Variants in PDGFRL observed in about 807,000 individuals in gnomAD.
PDGFRL encodes platelet-derived growth factor receptor-like protein.
Under a neutral mutation model 37.2 loss-of-function variants are expected in PDGFRL, and 46 were observed. The ratio of observed to expected loss-of-function variants is 1.24; its 90% CI spans 0.98 to 1.58. PDGFRL has a LOEUF of 1.58. PDGFRL is among the 40% of genes most tolerant of loss of function. The pLI, the probability that PDGFRL is intolerant of heterozygous loss-of-function variation, is 0.00. For synonymous variants in PDGFRL, 251 were observed against 184.3 expected, an observed-to-expected ratio of 1.36 and a Z score of -2.93; for missense variants, 692 against 467.6, an observed-to-expected ratio of 1.48 and a Z score of -4.43.
At chr8:17,593,988 T>C (rs79167433) in intron 2 of PDGFRL, among the ~76,000 whole-genome samples, 1 of 152,200 alleles carries the variant, frequency 6.6e-6, no homozygotes, top group Non-Finnish European at 1.5e-5. Flanking sequence ...ACCGTTTTCA[T>C]CTTGCATGGC....
chr8:17,637,309 C>T (rs780915137), intron 5 of PDGFRL, among the ~76,000 whole-genome samples: 1 of 152,102 alleles, frequency 6.6e-6, no homozygotes, highest in African/African-American at 2.4e-5. Flanking sequence ...TGGATTTTGT[C>T]AAATGTTTTT....
At chr8:17,632,789 C>T (rs1399109789) in intron 4 of PDGFRL, among the ~76,000 whole-genome samples, 1 of 152,186 alleles carries the variant, frequency 6.6e-6, no homozygotes, top group East Asian at 1.9e-4. Flanking sequence ...CCCCAGCCCT[C>T]CTCCACTCCG....
At chr8:17,638,665 G>A (rs1429112094) in intron 5 of PDGFRL, among the ~76,000 whole-genome samples, 1 of 146,756 alleles carries the variant, frequency 6.8e-6, no homozygotes, top group Non-Finnish European at 1.5e-5. Flanking sequence ...CACTATTACT[G>A]TGTTGCAGTC....
At chr8:17,613,724 C>T (rs1280895064) in intron 2 of PDGFRL, among the ~76,000 whole-genome samples, 1 of 152,038 alleles carries the variant, frequency 6.6e-6, no homozygotes, top group Admixed American at 6.6e-5. Flanking sequence ...CAGAAAAATG[C>T]TAAAATTAGC....
intron 2 of PDGFRL, among the ~76,000 whole-genome samples, chr8:17,607,400 G>A (rs1181455021): frequency 1.3e-5 from 2 of 152,050 alleles, no homozygotes; most frequent in African/African-American, 4.8e-5. Flanking sequence ...CACCAAATAT[G>A]TATTTAAAAA....
chr8:17,593,378 A>T (rs1434674832), intron 2 of PDGFRL, among the ~76,000 whole-genome samples: 1 of 148,634 alleles, frequency 6.7e-6, no homozygotes, highest in African/African-American at 2.5e-5. Flanking sequence ...GATCACTTGA[A>T]CCCAGGAGTT....
chr8:17,606,263 C>T (rs549238732), intron 2 of PDGFRL, among the ~76,000 whole-genome samples: 4 of 151,982 alleles, frequency 2.6e-5, no homozygotes, highest in Non-Finnish European at 5.9e-5. Flanking sequence ...GGAGATAGTT[C>T]AGTACACTTA....
In PDGFRL at chr8:17,602,030, A is replaced by C. The variant is rs191416329; in HGVS notation, c.353+12265A>C. On this transcript the variant is annotated intron_variant, in intron 2 of 5. Transcript: ENST00000251630. The stretch of plus-strand genomic sequence containing the variant: ...CATGGTAGCTCTAAGTTCTTCAAGA[A>C]ATATCCAAACTGCTTTGCACAGTGG... Among the ~76,000 whole-genome samples, 3 of 152,226 alleles carry C rather than the reference A, an allele frequency of 2.0e-5. No homozygotes were observed. In the East Asian group the frequency reaches 5.8e-4, roughly 29 times the overall value.
intron 5 of PDGFRL, among the ~76,000 whole-genome samples, chr8:17,641,705 C>T (rs1017578337): frequency 2.6e-5 from 4 of 152,086 alleles, no homozygotes; most frequent in Admixed American, 2.6e-4. Flanking sequence ...CGGAATAATC[C>T]CTTTGTTGCC....
intron 1 of PDGFRL, among the ~76,000 whole-genome samples, chr8:17,577,748 G>C (rs1445181057): frequency 6.6e-6 from 1 of 151,644 alleles, no homozygotes; most frequent in Non-Finnish European, 1.5e-5. Flanking sequence ...TTCGGTTGCA[G>C]AGTTCCAGGT....
chr8:17,590,236 CAA>C (rs770779669), intron 2 of PDGFRL, among the ~76,000 whole-genome samples: 1,964 of 35,594 alleles, frequency 0.055, 203 homozygotes, highest in Non-Finnish European at 0.088. Context: ...GACTCCATCT[CAA>C]AAAAAAAAAA....
At chr8:17,618,412 A>G (rs138718140) in intron 2 of PDGFRL, among the ~76,000 whole-genome samples, 15 of 152,256 alleles carry the variant, frequency 9.9e-5, no homozygotes, top group African/African-American at 2.2e-4. Flanking sequence ...CATGTGTACT[A>G]TTTGTCATGG....
At position 17,589,512 on chromosome 8, in the gene PDGFRL, G is replaced by A. The variant is rs1361817623; in HGVS notation, c.100G>A (p.Gly34Arg). 3.7e-6 allele frequency: 6 copies of A among 1,613,946 alleles called. No homozygotes were observed. Among genetic ancestry groups the A allele is most frequent in the Non-Finnish European group, 5.1e-6 (6 of 1,179,898 alleles). ...LPKNKRPKEP[G>R]ENRIKPTNKK... ...CAAGAACAAGCGTCCAAAAGAACCA[G>A]GAGAGAATAGAATCAAACCTACCAA... The change falls in exon 2 of 6, where the codon GGA (glycine) becomes AGA (arginine). Residue 34 changes from glycine to arginine, a missense_variant. By Grantham distance (125) the Gly-to-Arg change is moderately radical (BLOSUM62 -2). Transcript: ENST00000251630.
At chr8:17,627,969 C>G (rs937247777) in intron 3 of PDGFRL, among the ~76,000 whole-genome samples, 7 of 147,110 alleles carry the variant, frequency 4.8e-5, no homozygotes, top group African/African-American at 1.8e-4. Context: ...GTACTGATAC[C>G]TTTTCTGTTT....
At chr8:17,608,148 G>T (rs1287140434) in intron 2 of PDGFRL, among the ~76,000 whole-genome samples, 1 of 152,152 alleles carries the variant, frequency 6.6e-6, no homozygotes, top group Non-Finnish European at 1.5e-5. Flanking sequence ...GACTTTGCTT[G>T]GATTGCCTTT....
At chr8:17,579,193 C>T (rs1281138526) in intron 1 of PDGFRL, among the ~76,000 whole-genome samples, 4 of 152,066 alleles carry the variant, frequency 2.6e-5, no homozygotes, top group Admixed American at 6.5e-5. Flanking sequence ...GAGACTCCAT[C>T]TCAAGAAAAT....
At chr8:17,615,493 A>C (rs1804504768) in intron 2 of PDGFRL, among the ~76,000 whole-genome samples, 1 of 152,192 alleles carries the variant, frequency 6.6e-6, no homozygotes, top group African/African-American at 2.4e-5. Context: ...TCTGCCACTC[A>C]ATAGCTGAGT....
intron 3 of PDGFRL, among the ~76,000 whole-genome samples, chr8:17,624,011 AAT>A (rs772464367): frequency 6.6e-6 from 1 of 152,186 alleles, no homozygotes; most frequent in Non-Finnish European, 1.5e-5. Flanking sequence ...GATCAAAAAA[AAT>A]AAATGCTGTA....
chr8:17,615,315 A>AGTGT (rs35076150), intron 2 of PDGFRL, among the ~76,000 whole-genome samples: 135 of 151,614 alleles, frequency 8.9e-4, no homozygotes, highest in African/African-American at 2.9e-3. Flanking sequence ...GTGATTTGGG[A>AGTGT]GTGTGTGTGT....
Sources: gnomAD v4.1 joint callset for allele counts (sites outside exome capture counted in the v4.1 genomes callset) on GRCh38, gnomAD v4.1.1 for gene constraint, MANE v1.5 for transcripts, NCBI Gene and HGNC (gene_info 2026-07-23, HGNC 2026-07-21) for gene names.